The following FHIT variants were observed in gnomAD, a reference collection of about 807,000 sequenced individuals.
FHIT encodes fragile histidine triad diadenosine triphosphatase.
FHIT carries 19 observed loss-of-function variants against 17.9 expected under a neutral mutation model. That is an observed-to-expected ratio of 1.06 (90% CI 0.74 to 1.56). The LOEUF (loss-of-function observed/expected upper bound fraction) is 1.56, where lower values mean the gene tolerates loss of function less well. FHIT is among the 40% of genes most tolerant of loss of function. The probability of loss-of-function intolerance (pLI) is 0.00; values close to 1 mark genes in which losing one functional copy is unlikely to be tolerated. For synonymous variants in FHIT, 81 were observed against 69.7 expected, an observed-to-expected ratio of 1.16 and a Z score of -0.81; for missense variants, 248 against 189.2, an observed-to-expected ratio of 1.31 and a Z score of -1.82.
chr3:60,528,813 C>G (rs1025765154), intron 5 of FHIT, among the ~76,000 whole-genome samples: 2 of 152,164 alleles, frequency 1.3e-5, no homozygotes, highest in Non-Finnish European at 2.9e-5. Flanking sequence ...TTTTCTTCCT[C>G]CCCTGGGACT....
chr3:60,444,780 C>A (rs190276622), intron 5 of FHIT, among the ~76,000 whole-genome samples: 39 of 151,656 alleles, frequency 2.6e-4, no homozygotes, highest in African/African-American at 9.0e-4. Flanking sequence ...ACCAACATGG[C>A]ACATGTATAC....
intron 8 of FHIT, among the ~76,000 whole-genome samples, chr3:59,826,241 C>T (rs1182489336): frequency 1.3e-5 from 2 of 152,172 alleles, no homozygotes; most frequent in Non-Finnish European, 2.9e-5. Flanking sequence ...CCTCAGCCTC[C>T]TGAGTAGCTG....
chr3:59,861,866 G>GA (rs369230614), intron 8 of FHIT, among the ~76,000 whole-genome samples: 13 of 150,400 alleles, frequency 8.6e-5, no homozygotes, highest in African/African-American at 2.9e-4. Context: ...TATTCAGAAG[G>GA]AAAAAAAAAT....
chr3:61,205,695 T>G (rs939551845), intron 1 of FHIT, among the ~76,000 whole-genome samples: 1 of 152,242 alleles, frequency 6.6e-6, no homozygotes, highest in Non-Finnish European at 1.5e-5. Flanking sequence ...TTTATTTGAG[T>G]TCATTGTAGA....
chr3:61,141,205 C>T (rs1161851034), intron 2 of FHIT, among the ~76,000 whole-genome samples: 2 of 152,068 alleles, frequency 1.3e-5, no homozygotes, highest in African/African-American at 4.8e-5. Flanking sequence ...AACAGGACCA[C>T]CTGCTTGGTG....
chr3:60,329,124 T>C (rs1478086480), intron 5 of FHIT, among the ~76,000 whole-genome samples: 1 of 152,242 alleles, frequency 6.6e-6, no homozygotes, highest in Non-Finnish European at 1.5e-5. Context: ...TGACAAATAG[T>C]TGTTCTTTTC....
At chr3:60,032,996 G>C (rs891141151) in intron 5 of FHIT, among the ~76,000 whole-genome samples, 1 of 152,056 alleles carries the variant, frequency 6.6e-6, no homozygotes, top group African/African-American at 2.4e-5. Context: ...CCGTACTATA[G>C]AACAGTCTAC....
chr3:60,729,194 C>T (rs369314967), intron 4 of FHIT, among the ~76,000 whole-genome samples: 8 of 152,176 alleles, frequency 5.3e-5, no homozygotes, highest in East Asian at 1.9e-4. Flanking sequence ...CAGGCTTTAA[C>T]CTTCTGGCTT....
intron 5 of FHIT, among the ~76,000 whole-genome samples, chr3:60,454,246 C>T: frequency 6.6e-6 from 1 of 152,242 alleles, no homozygotes; most frequent in African/African-American, 2.4e-5. Flanking sequence ...CTGAAGCATT[C>T]CTCAAGCCAA....
At chr3:60,878,918 T>C (rs1463546828) in intron 3 of FHIT, among the ~76,000 whole-genome samples, 1 of 152,242 alleles carries the variant, frequency 6.6e-6, no homozygotes, top group African/African-American at 2.4e-5. Context: ...GTTCCAAGTC[T>C]TTGATATTGT....
intron 8 of FHIT, among the ~76,000 whole-genome samples, chr3:59,877,911 C>G (rs1338980709): frequency 6.6e-6 from 1 of 152,180 alleles, no homozygotes; most frequent in African/African-American, 2.4e-5. Context: ...AATGCAACAG[C>G]TCTCACTCAG....
intron 5 of FHIT, among the ~76,000 whole-genome samples, chr3:60,349,917 T>A (rs1710999734): frequency 6.6e-6 from 1 of 152,214 alleles, no homozygotes; most frequent in African/African-American, 2.4e-5. Context: ...ACATCTGTTT[T>A]CTCAAGCAGT....
At chr3:59,798,008 A>G (rs1352927931) in intron 8 of FHIT, among the ~76,000 whole-genome samples, 2 of 152,168 alleles carry the variant, frequency 1.3e-5, no homozygotes, top group Non-Finnish European at 2.9e-5. Flanking sequence ...TGCCTGGAGC[A>G]CTGCTTAGGG....
At chr3:59,796,817 G>T (rs1463003956) in intron 8 of FHIT, among the ~76,000 whole-genome samples, 1 of 152,128 alleles carries the variant, frequency 6.6e-6, no homozygotes, top group African/African-American at 2.4e-5. Context: ...CTTGGGAGAG[G>T]GAATTAGAGG....
chr3:60,796,062 C>A (rs962000827), intron 4 of FHIT, among the ~76,000 whole-genome samples: 1 of 152,132 alleles, frequency 6.6e-6, no homozygotes, highest in Non-Finnish European at 1.5e-5. Context: ...GAAGCAAAAG[C>A]AGAAACCCCT....
chr3:61,072,630 C>G (rs946556886), intron 2 of FHIT, among the ~76,000 whole-genome samples: 2 of 152,026 alleles, frequency 1.3e-5, no homozygotes, highest in Non-Finnish European at 2.9e-5. Flanking sequence ...AGAAAAAAAC[C>G]TTGATACTTG....
intron 2 of FHIT, among the ~76,000 whole-genome samples, chr3:61,189,119 AT>A (rs1225794730): frequency 6.6e-6 from 1 of 152,228 alleles, no homozygotes; most frequent in Non-Finnish European, 1.5e-5. Flanking sequence ...AGGGTATTGA[AT>A]TAGGAAAAGA....
intron 2 of FHIT, among the ~76,000 whole-genome samples, chr3:61,089,513 G>A (rs923003565): frequency 7.9e-5 from 12 of 152,178 alleles, no homozygotes; most frequent in African/African-American, 2.9e-4. Context: ...ATGGCTTATT[G>A]TACTTAGCAT....
chr3:59,937,852 G>C (rs1476758508), intron 7 of FHIT, among the ~76,000 whole-genome samples: 5 of 152,090 alleles, frequency 3.3e-5, no homozygotes, highest in Admixed American at 1.3e-4. Flanking sequence ...GTTGCTTCTT[G>C]ACATTCCTGA....
Sources: gnomAD v4.1 joint callset for allele counts (sites outside exome capture counted in the v4.1 genomes callset) on GRCh38, gnomAD v4.1.1 for gene constraint, MANE v1.5 for transcripts, NCBI Gene and HGNC (gene_info 2026-07-23, HGNC 2026-07-21) for gene names.